CLCN7: variants seen among roughly 807,000 people sequenced by gnomAD.
The protein encoded by CLCN7 is Cl-/H+ antiporter 7.
Under a neutral mutation model 102.1 loss-of-function variants are expected in CLCN7, and 60 were observed. That is an observed-to-expected ratio of 0.59 (90% CI 0.48 to 0.73). The LOEUF (loss-of-function observed/expected upper bound fraction) is 0.73, where lower values mean the gene tolerates loss of function less well. CLCN7 is among the 30% of genes least tolerant of loss of function. The pLI is 0.00. For synonymous variants in CLCN7, 560 were observed against 490.5 expected (o/e 1.14, Z -1.87); for missense variants, 962 against 1,125.7 (o/e 0.85, Z 2.08).
chr16:1,462,677 A>AAAAAAAAAAAAAC (rs1567273396), intron 2 of CLCN7, among the ~76,000 whole-genome samples: 1 of 146,846 alleles, frequency 6.8e-6, no homozygotes, highest in African/African-American at 2.6e-5. Context: ...AAAAAAAAAA[A>AAAAAAAAAAAAAC]AAAAAAAAAA....
At chr16:1,448,161 G>A (rs1218407970) in intron 21 of CLCN7, 194 bp downstream of exon 21, 2 of 775,066 alleles carry the variant, frequency 2.6e-6, no homozygotes, top group South Asian at 1.7e-5. Flanking sequence ...ACCCTGCCAG[G>A]CCGCAGCCCC....
At position 1,474,867 on chromosome 16, in the gene CLCN7, C is replaced by A. The variant is rs766712653; in HGVS notation, c.108G>T (p.Leu36=). The A allele has an allele frequency of 9.4e-5, 136 of 1,442,148 alleles. 1 individual carries two copies. The highest frequency in any genetic ancestry group is 2.3e-4 in the Middle Eastern group (1 of 4,412). The allele number at this position is 1,442,148 out of a possible 1,614,324, so 89.3% of individuals were successfully genotyped here. The part of the protein sequence containing the change: ...RTARPGGGTP[L]LNGAGPGAAR... ...CAGCCCCAGGCCCAGCCCCGTTCAG[C>A]AGCGGCGTCCCCCCGCCGGGCCGCG... Residue 36 remains leucine (L), a synonymous_variant, in exon 1 of 25, where the codon CTG becomes CTT. Coordinates refer to ENST00000382745, the MANE Select transcript of CLCN7 (RefSeq NM_001287.6).
At chr16:1,448,622 C>G in intron 20 of CLCN7, 59 bp downstream of exon 20, 1 of 1,606,490 alleles carries the variant, frequency 6.2e-7, no homozygotes, top group South Asian at 1.1e-5. Context: ...CACCCTGCCC[C>G]TGTGCAACAA....
In CLCN7 at chr16:1,457,149, TG is replaced by T; in HGVS notation, c.822+104del. ...CCGCCAGGCTGTCCTCAGATGGGGC[TG>T]GGGCTCTCGGCCTGGGGGTGCTGAG... On this transcript the variant is annotated intron_variant, in intron 9 of 24. Coordinates refer to ENST00000382745, the MANE Select transcript of CLCN7 (RefSeq NM_001287.6). This position sits in a 1 kb window ranked among gnomAD's most constrained non-coding sequence, Gnocchi z 5.4. The T allele has an allele frequency of 9.2e-7, 1 of 1,087,314 alleles. No individual in the cohort carries two copies. The highest frequency in any genetic ancestry group is 1.4e-6 in the Non-Finnish European group (1 of 709,214). The allele number at this position is 1,087,314 out of a possible 1,614,324, so 67.4% of individuals were successfully genotyped here.
At position 1,474,817 on chromosome 16, in the gene CLCN7, G is replaced by A. The variant is rs1334243519; in HGVS notation, c.141+17C>T. ...ACGAGGGCTCAGTTTCCCCGCCTGCGCCCTGCCCGGCCTCACCTGGCGCGC... is the reference window on the plus strand; with the variant it reads ...ACGAGGGCTCAGTTTCCCCGCCTGCACCCTGCCCGGCCTCACCTGGCGCGC... On this transcript the variant is annotated intron_variant, in intron 1 of 24. Transcript: ENST00000382745. 6 of 1,321,724 alleles carry A rather than the reference G, an allele frequency of 4.5e-6. No homozygotes were observed. The highest frequency in any genetic ancestry group is 5.8e-6 in the Non-Finnish European group (6 of 1,035,816). The allele number at this position is 1,321,724 out of a possible 1,614,324, so 81.9% of individuals were successfully genotyped here.
At chr16:1,454,182 C>T (rs1369195797) in intron 13 of CLCN7, among the ~76,000 whole-genome samples, 1 of 152,264 alleles carries the variant, frequency 6.6e-6, no homozygotes, top group East Asian at 1.9e-4. Context: ...ATCCCTGCAG[C>T]CCTGTGGTTT....
At position 1,457,134 on chromosome 16, in the gene CLCN7, G is replaced by C. The variant is rs1482939481; in HGVS notation, c.822+120C>G. 2.1e-6 allele frequency: 2 copies of C among 963,796 alleles called. No homozygotes were observed. Among genetic ancestry groups the C allele is most frequent in the Non-Finnish European group, 3.3e-6 (2 of 603,496 alleles). The allele number at this position is 963,796 out of a possible 1,614,324, so 59.7% of individuals were successfully genotyped here. On this transcript the variant is annotated intron_variant, in intron 9 of 24. Transcript: ENST00000382745. The surrounding 1 kb of genome is among the most constrained non-coding windows in gnomAD (Gnocchi z 5.4). ...GGCTCTGGGAGCCACCCGCCAGGCT[G>C]TCCTCAGATGGGGCTGGGGCTCTCG...
At chr16:1,461,535 G>A (rs2038936914) in intron 3 of CLCN7, 65 bp from the exon 4 acceptor site, 1 of 1,607,880 alleles carries the variant, frequency 6.2e-7, no homozygotes, top group South Asian at 1.1e-5. Context: ...CGGGCACAGG[G>A]GACCGGGAGT....
At chr16:1,464,966 G>GCC (rs71145426) in intron 2 of CLCN7, among the ~76,000 whole-genome samples, 5 of 151,764 alleles carry the variant, frequency 3.3e-5, no homozygotes, top group Non-Finnish European at 7.4e-5. Context: ...GCTCCTCACT[G>GCC]CCCCCCCAAG....
intron 3 of CLCN7, 62 bp downstream of exon 3, chr16:1,461,541 G>A: frequency 1.2e-6 from 2 of 1,608,664 alleles, no homozygotes; most frequent in African/African-American, 1.3e-5. Context: ...CAGGGGACCG[G>A]GAGTGGGCTG....
chr16:1,469,370 G>A (rs2039046952), intron 1 of CLCN7, among the ~76,000 whole-genome samples: 1 of 152,086 alleles, frequency 6.6e-6, no homozygotes. Flanking sequence ...TATCTGATAA[G>A]GGATTAATAT....
chr16:1,449,685 G>T (rs903179207), intron 17 of CLCN7: 5 of 340,064 alleles, frequency 1.5e-5, no homozygotes, highest in Admixed American at 9.7e-5. Context: ...CTGGGCCACA[G>T]AACCCAGGCA....
chr16:1,456,489 G>A lies in CLCN7; in HGVS notation c.823-283C>T, dbSNP rs35561673. Reference sequence around the variant, plus strand: ...AAACCTCTACCCTCTAACGAAAAGCGCACGGATGGAAACCCAGCCTTGCTG... The same window carrying A: ...AAACCTCTACCCTCTAACGAAAAGCACACGGATGGAAACCCAGCCTTGCTG... On this transcript the variant is annotated intron_variant, in intron 9 of 24. Transcript: ENST00000382745. 0.39 allele frequency among the ~76,000 whole-genome samples: 59,367 copies of A among 152,106 alleles called. 12,131 individuals carry two copies. Among genetic ancestry groups the A allele is most frequent in the Non-Finnish European group, 0.45 (30,500 of 67,980 alleles).
At chr16:1,466,911 A>T (rs1293040444) in intron 1 of CLCN7, 2 of 134,588 alleles carry the variant, frequency 1.5e-5, no homozygotes, top group African/African-American at 5.8e-5. Flanking sequence ...AGGTAACAGC[A>T]AGACTCTGTC....
rs2142367818 is a variant in CLCN7, at chr16:1,448,672, G to T, written c.1883+9C>A. ...CCCTCCCCACCCACAGGTGTCCTGGGCGCTGTACCTGGCAGTGAGTGAGTG... is the reference window on the plus strand; with the variant it reads ...CCCTCCCCACCCACAGGTGTCCTGGTCGCTGTACCTGGCAGTGAGTGAGTG... On this transcript the variant is annotated intron_variant, in intron 20 of 24. Transcript: ENST00000382745. The T allele has an allele frequency of 6.2e-7, 1 of 1,612,502 alleles. No homozygotes were observed. The highest frequency in any genetic ancestry group is 1.7e-5 in the Admixed American group (1 of 60,026).
intron 1 of CLCN7, among the ~76,000 whole-genome samples, chr16:1,473,604 A>T (rs1234942648): frequency 6.7e-6 from 1 of 149,932 alleles, no homozygotes; most frequent in East Asian, 2.0e-4. Context: ...CAATCTCCTG[A>T]CCTCATGATC....
At chr16:1,462,274 A>G (rs1402021457) in intron 2 of CLCN7, among the ~76,000 whole-genome samples, 1 of 151,112 alleles carries the variant, frequency 6.6e-6, no homozygotes, top group Non-Finnish European at 1.5e-5. Flanking sequence ...CACACCTGTA[A>G]TCCCAGCACT....
rs1043247944 is a variant in CLCN7 at position 1,451,565 on chromosome 16, G to C, written c.1447+58C>G. ...TCAGCCCACAGGGGACACTCAGCCAGAAGGCATCACCCAGGCCCTGATCCC... is the reference window on the plus strand; with the variant it reads ...TCAGCCCACAGGGGACACTCAGCCACAAGGCATCACCCAGGCCCTGATCCC... On this transcript the variant is annotated intron_variant, in intron 16 of 24. Coordinates refer to ENST00000382745, the MANE Select transcript of CLCN7 (RefSeq NM_001287.6). 2.7e-6 allele frequency: 4 copies of C among 1,476,384 alleles called. No homozygotes were observed. In the African/African-American group the frequency reaches 4.1e-5, roughly 15 times the overall value. The allele number at this position is 1,476,384 out of a possible 1,614,324, so 91.5% of individuals were successfully genotyped here. A position where few individuals can be genotyped will look rare whatever the true frequency, so the allele number is the denominator to read the frequency against.
intron 16 of CLCN7, among the ~76,000 whole-genome samples, chr16:1,451,102 G>A (rs1324346217): frequency 6.6e-6 from 1 of 152,242 alleles, no homozygotes; most frequent in African/African-American, 2.4e-5. Flanking sequence ...GGACACAACT[G>A]CAGAGGTGAA....
Sources: gnomAD v4.1 joint callset for allele counts (sites outside exome capture counted in the v4.1 genomes callset) on GRCh38, gnomAD v4.1.1 for gene constraint, Gnocchi (gnomAD v3.1) non-coding constraint, MANE v1.5 for transcripts, NCBI Gene and HGNC (gene_info 2026-07-23, HGNC 2026-07-21) for gene names.